The following PEBP4 variants were observed in gnomAD, a reference collection of about 807,000 sequenced individuals.
The protein encoded by PEBP4 is phosphatidylethanolamine binding protein 4, also known as phosphatidylethanolamine-binding protein 4.
Under a neutral mutation model 23.9 loss-of-function variants are expected in PEBP4, and 22 were observed. The ratio of observed to expected loss-of-function variants is 0.92; its 90% CI spans 0.66 to 1.31. The LOEUF is 1.31. Among genes scored for constraint, PEBP4 ranks in the 40% most tolerant of loss-of-function variants. The probability of loss-of-function intolerance (pLI) is 0.00; values close to 1 mark genes in which losing one functional copy is unlikely to be tolerated. For synonymous variants in PEBP4, 112 were observed against 99.3 expected (o/e 1.13, Z -0.76); for missense variants, 324 against 281.7 (o/e 1.15, Z -1.07).
intron 4 of PEBP4, among the ~76,000 whole-genome samples, chr8:22,806,325 T>C (rs890934373): frequency 1.2e-4 from 19 of 152,168 alleles, no homozygotes; most frequent in African/African-American, 3.9e-4. Context: ...ATAAAGATAC[T>C]GAACAAGGTA....
intron 3 of PEBP4, among the ~76,000 whole-genome samples, chr8:22,900,651 G>A (rs1309571102): frequency 4.6e-5 from 5 of 109,380 alleles, no homozygotes; most frequent in African/African-American, 1.7e-4. Flanking sequence ...GTGAGACTCT[G>A]TCTCCAAAAA....
intron 4 of PEBP4, among the ~76,000 whole-genome samples, chr8:22,763,316 T>C (rs150434968): frequency 3.7e-4 from 57 of 152,330 alleles, no homozygotes; most frequent in African/African-American, 1.3e-3. Context: ...GAAGAAGTCT[T>C]AAACCCCTTG....
intron 4 of PEBP4, among the ~76,000 whole-genome samples, chr8:22,759,496 C>G (rs1449654238): frequency 6.6e-6 from 1 of 152,134 alleles, no homozygotes; most frequent in African/African-American, 2.4e-5. Context: ...CTCAACAAGC[C>G]TCTGCCACCA....
chr8:22,865,025 G>C lies in PEBP4; in HGVS notation c.259-47290C>G, dbSNP rs990404446. Reference sequence around the variant, plus strand: ...GGGGCAGGTGTGACCGTGAGAGAGGGAGGCAGGCGGCGAGGCCAAGGGGTA... The same window carrying C: ...GGGGCAGGTGTGACCGTGAGAGAGGCAGGCAGGCGGCGAGGCCAAGGGGTA... On this transcript the variant is annotated intron_variant, in intron 3 of 6. Transcript: ENST00000256404. The surrounding 1 kb of genome is among the most constrained non-coding windows in gnomAD (Gnocchi z 6.9). Among the ~76,000 whole-genome samples the C allele has an allele frequency of 6.6e-6, 1 of 152,190 alleles. No homozygotes were observed. Among genetic ancestry groups the C allele is most frequent in the African/African-American group, 2.4e-5 (1 of 41,448 alleles).
At chr8:22,876,926 C>T (rs1808133513) in intron 3 of PEBP4, among the ~76,000 whole-genome samples, 1 of 152,172 alleles carries the variant, frequency 6.6e-6, no homozygotes, top group African/African-American at 2.4e-5. Flanking sequence ...GCCTTGGACC[C>T]TTATCTTTAA....
intron 4 of PEBP4, among the ~76,000 whole-genome samples, chr8:22,741,720 AC>A (rs1804999410): frequency 6.6e-6 from 1 of 152,080 alleles, no homozygotes; most frequent in Non-Finnish European, 1.5e-5. Context: ...CAGAGGAGGA[AC>A]CCTGACTGTC....
intron 3 of PEBP4, among the ~76,000 whole-genome samples, chr8:22,882,320 G>A (rs1280647225): frequency 3.3e-5 from 5 of 152,232 alleles, no homozygotes; most frequent in Non-Finnish European, 7.3e-5. Context: ...AACAGCACCA[G>A]TGACCCAGAC....
At chr8:22,882,527 G>C (rs1808284914) in intron 3 of PEBP4, among the ~76,000 whole-genome samples, 1 of 152,222 alleles carries the variant, frequency 6.6e-6, no homozygotes, top group African/African-American at 2.4e-5. Context: ...ATCATGAACA[G>C]AGGGAGGCCT....
chr8:22,755,644 A>G (rs1311771396), intron 4 of PEBP4: 4 of 152,140 alleles, frequency 2.6e-5, no homozygotes, highest in Non-Finnish European at 4.4e-5. Flanking sequence ...GCAAAATTGT[A>G]TACTCTTTTC....
At chr8:22,724,073 C>G (rs1424891592) in intron 6 of PEBP4, among the ~76,000 whole-genome samples, 1 of 152,240 alleles carries the variant, frequency 6.6e-6, no homozygotes, top group African/African-American at 2.4e-5. Flanking sequence ...CTTCCCTTCC[C>G]TAAAATTGGG....
chr8:22,874,384 G>A (rs923360817), intron 3 of PEBP4, among the ~76,000 whole-genome samples: 2 of 152,230 alleles, frequency 1.3e-5, no homozygotes, highest in African/African-American at 2.4e-5. Flanking sequence ...CATGCAGGGA[G>A]AATGAGTTAT....
At chr8:22,939,225 A>C (rs1809578557) in intron 1 of PEBP4, among the ~76,000 whole-genome samples, 1 of 152,208 alleles carries the variant, frequency 6.6e-6, no homozygotes. Context: ...AAAAAGTGTT[A>C]AAACTTCCAT....
intron 3 of PEBP4, among the ~76,000 whole-genome samples, chr8:22,824,136 T>C (rs984732401): frequency 2.0e-5 from 3 of 152,208 alleles, no homozygotes; most frequent in African/African-American, 7.2e-5. Context: ...GAAAGTTAAA[T>C]GCTGACCGAT....
chr8:22,783,198 G>C (rs1304736617), intron 4 of PEBP4, among the ~76,000 whole-genome samples: 1 of 152,194 alleles, frequency 6.6e-6, no homozygotes, highest in Non-Finnish European at 1.5e-5. Flanking sequence ...CTTTTATTTT[G>C]TTTCTATATT....
At chr8:22,930,686 T>A (rs1397844274), upstream of PEBP4, among the ~76,000 whole-genome samples, 1 of 152,174 alleles carries the variant, frequency 6.6e-6, no homozygotes. Flanking sequence ...TCTGGCTTGT[T>A]TTTGTGCAGA....
At chr8:22,782,548 C>T (rs1264665857) in intron 4 of PEBP4, among the ~76,000 whole-genome samples, 2 of 152,100 alleles carry the variant, frequency 1.3e-5, no homozygotes, top group Non-Finnish European at 2.9e-5. Flanking sequence ...CATCTGGGCA[C>T]CAGGGAGTGC....
intron 4 of PEBP4, chr8:22,815,082 T>C (rs1271645698): frequency 6.6e-6 from 1 of 152,232 alleles, no homozygotes; most frequent in African/African-American, 2.4e-5. Context: ...AGCTAAGAGA[T>C]GGCATCATTC....
intron 4 of PEBP4, among the ~76,000 whole-genome samples, chr8:22,808,422 G>A (rs372972278): frequency 1.1e-4 from 17 of 152,148 alleles, no homozygotes; most frequent in South Asian, 4.1e-4. Context: ...AACATTTACC[G>A]AGGGCACTTA....
intron 3 of PEBP4, among the ~76,000 whole-genome samples, chr8:22,877,656 ACCCCACCT>A (rs5890077): frequency 0.95 from 142,944 of 150,862 alleles, 67,903 homozygotes; most frequent in Non-Finnish European, 0.99. Flanking sequence ...GGGGCCCACC[ACCCCACCT>A]CCCCACCTCC....
Sources: allele counts gnomAD v4.1 joint callset (sites outside exome capture counted in the v4.1 genomes callset), GRCh38; gene constraint gnomAD v4.1.1; non-coding constraint Gnocchi (gnomAD v3.1); transcripts MANE v1.5; gene names NCBI Gene and HGNC (gene_info 2026-07-23, HGNC 2026-07-21).